The following PRMT8 variants were observed in gnomAD, a reference collection of about 807,000 sequenced individuals.
PRMT8 encodes protein arginine N-methyltransferase 8.
Under a neutral mutation model 47.1 loss-of-function variants are expected in PRMT8, and 7 were observed. The observed-to-expected ratio is 0.15, with a 90% confidence interval of 0.08 to 0.28. PRMT8 has a LOEUF of 0.28. Among genes scored for constraint, PRMT8 ranks in the 10% least tolerant of loss-of-function variants. The pLI, the probability that PRMT8 is intolerant of heterozygous loss-of-function variation, is 1.00. For missense variants in PRMT8, 237 were observed against 505.4 expected (o/e 0.47, Z 5.09); for synonymous variants, 188 against 186.5 (o/e 1.01, Z -0.07).
intron 1 of PRMT8, among the ~76,000 whole-genome samples, chr12:3,454,370 T>C (rs946310088): frequency 1.3e-5 from 2 of 152,202 alleles, no homozygotes; most frequent in East Asian, 3.9e-4. Context: ...GGCAGCCACC[T>C]GGGCTCCCCT....
intron 1 of PRMT8, among the ~76,000 whole-genome samples, chr12:3,461,681 T>TTGGGTTA (rs1410993700): frequency 4.7e-4 from 70 of 150,266 alleles, no homozygotes; most frequent in African/African-American, 1.6e-3. Context: ...TCAAGAGGAG[T>TTGGGTTA]CCAAGCTTCA....
chr12:3,404,178 TGAAA>T (rs1864349977), intron 1 of PRMT8, among the ~76,000 whole-genome samples: 1 of 152,200 alleles, frequency 6.6e-6, no homozygotes, highest in Non-Finnish European at 1.5e-5. Flanking sequence ...ATTATTTTTC[TGAAA>T]TTGGTATGTA....
chr12:3,393,842 A>G (rs71435051), intron 1 of PRMT8, among the ~76,000 whole-genome samples: 27,090 of 125,666 alleles, frequency 0.22, 2,809 homozygotes, highest in Middle Eastern at 0.29. Context: ...CTTCCTACCC[A>G]TGAGCATGGA....
chr12:3,425,392 G>A (rs1272343788), intron 1 of PRMT8, among the ~76,000 whole-genome samples: 7 of 152,256 alleles, frequency 4.6e-5, no homozygotes, highest in Admixed American at 1.3e-4. Flanking sequence ...GTTGTTTAGA[G>A]AGGTAGGCCA....
At chr12:3,411,001 G>A (rs1405258547) in intron 1 of PRMT8, among the ~76,000 whole-genome samples, 1 of 152,218 alleles carries the variant, frequency 6.6e-6, no homozygotes, top group Non-Finnish European at 1.5e-5. Context: ...GCTTCTGGCT[G>A]TTAGCTAGTC....
intron 1 of PRMT8, among the ~76,000 whole-genome samples, chr12:3,394,244 T>C (rs1864224560): frequency 6.6e-6 from 1 of 152,106 alleles, no homozygotes; most frequent in Non-Finnish European, 1.5e-5. Flanking sequence ...CTTCCAACAC[T>C]ATGTTGAATA....
At chr12:3,401,464 C>T (rs1864315924) in intron 1 of PRMT8, among the ~76,000 whole-genome samples, 1 of 151,288 alleles carries the variant, frequency 6.6e-6, no homozygotes, top group African/African-American at 2.4e-5. Flanking sequence ...TAGTATTGGC[C>T]AAGCAGTCAG....
At position 3,435,861 on chromosome 12, in the gene PRMT8, G is replaced by A. The variant is rs1864735958; in HGVS notation, c.48+54419G>A. Among the ~76,000 whole-genome samples, 4 of 152,120 alleles carry A rather than the reference G, an allele frequency of 2.6e-5. No homozygotes were observed. The South Asian group carries it at 8.3e-4, about 32-fold the overall frequency. On this transcript the variant is annotated intron_variant, in intron 1 of 9. Transcript: ENST00000452611. ...AACCCCACCTTCTCTGAACCGCTCA[G>A]GCTTGTGGGTCCTTTCCTAGTCCTA...
At chr12:3,548,922 A>G (rs540149998) in intron 2 of PRMT8, among the ~76,000 whole-genome samples, 6 of 152,344 alleles carry the variant, frequency 3.9e-5, no homozygotes, top group South Asian at 2.1e-4. Flanking sequence ...AAACAAGTGA[A>G]TGGATAAATA....
chr12:3,488,753 A>G (rs1865345303), upstream of PRMT8, among the ~76,000 whole-genome samples: 1 of 152,248 alleles, frequency 6.6e-6, no homozygotes, highest in South Asian at 2.1e-4. Context: ...GAAAGACTGA[A>G]TTCACAGGAA....
chr12:3,590,002 C>T (rs924095350), intron 8 of PRMT8, among the ~76,000 whole-genome samples: 1 of 152,196 alleles, frequency 6.6e-6, no homozygotes, highest in Non-Finnish European at 1.5e-5. Flanking sequence ...CAGGAACTAT[C>T]TTTTGACTAT....
Position 3,494,977 on chromosome 12 carries a change from A to C in PRMT8, c.75+3277A>C, listed in dbSNP as rs1865484054. Among the ~76,000 whole-genome samples, 3 of 152,134 alleles carry C rather than the reference A, an allele frequency of 2.0e-5. No individual in the cohort carries two copies. In the South Asian group the frequency reaches 6.2e-4, roughly 32 times the overall value. On this transcript the variant is annotated intron_variant, in intron 1 of 9. Coordinates refer to ENST00000382622, the MANE Select transcript of PRMT8 (RefSeq NM_019854.5). Reference sequence around the variant, plus strand: ...TACGCTTTCTCCTGATCACTCAGCTATGCTTCTCTTCCTCGGCTAAGGGAA... The same window carrying C: ...TACGCTTTCTCCTGATCACTCAGCTCTGCTTCTCTTCCTCGGCTAAGGGAA...
intron 6 of PRMT8, among the ~76,000 whole-genome samples, chr12:3,571,203 G>T (rs1201480368): frequency 6.6e-6 from 1 of 152,222 alleles, no homozygotes; most frequent in Non-Finnish European, 1.5e-5. Context: ...TGACTGCCAA[G>T]CCCCTGGTGG....
chr12:3,526,395 G>A (rs1409213935), intron 1 of PRMT8, among the ~76,000 whole-genome samples: 2 of 152,224 alleles, frequency 1.3e-5, no homozygotes, highest in South Asian at 4.2e-4. Context: ...GGAATTATGG[G>A]ATCACATGGT....
chr12:3,569,545 C>T lies in PRMT8; in HGVS notation c.693C>T (p.Tyr231=), dbSNP rs767687041. The change falls in exon 6 of 10, where the codon TAC becomes TAT. Residue 231 remains tyrosine, a synonymous_variant. Transcript: ENST00000382622. This position sits in a 1 kb window ranked among gnomAD's most constrained non-coding sequence, Gnocchi z 8.2. The part of the protein sequence containing the change: ...LYVVAIEDRQ[Y]KDFKIHWWEN... Reference sequence around the variant, plus strand: ...TGGTAGCGATTGAAGACAGACAGTACAAGGACTTCAAAATCCACTGTAAGT... The same window carrying T: ...TGGTAGCGATTGAAGACAGACAGTATAAGGACTTCAAAATCCACTGTAAGT... The T allele has an allele frequency of 2.2e-5, 35 of 1,614,014 alleles. No individual in the cohort carries two copies. The highest frequency in any genetic ancestry group is 1.7e-6 in the Non-Finnish European group (2 of 1,179,984).
intron 1 of PRMT8, among the ~76,000 whole-genome samples, chr12:3,416,149 C>G (rs531008214): frequency 6.6e-6 from 1 of 152,312 alleles, no homozygotes; most frequent in East Asian, 1.9e-4. Context: ...GCTCCACGGG[C>G]CTCTCCTCTA....
chr12:3,453,526 G>T lies in PRMT8; in HGVS notation c.48+72084G>T, dbSNP rs1264995734. Among the ~76,000 whole-genome samples, 1 of 152,228 alleles carries T rather than the reference G, an allele frequency of 6.6e-6. No homozygotes were observed. The highest frequency in any genetic ancestry group is 1.5e-5 in the Non-Finnish European group (1 of 68,036). On this transcript the variant is annotated intron_variant, in intron 1 of 9. Coordinates refer to the PRMT8 transcript ENST00000452611. The surrounding 1 kb of genome is among the most constrained non-coding windows in gnomAD (Gnocchi z 4.9). The stretch of plus-strand genomic sequence containing the variant: ...CATGATTTCTGACCTCAGAGGCCCT[G>T]CTTTCTCCTGGGGAAGCCAGACGCT...
At position 3,385,420 on chromosome 12, in the gene PRMT8, CTG is replaced by C. The variant is rs1229551475; in HGVS notation, c.48+3980_48+3981del. Among the ~76,000 whole-genome samples the C allele has an allele frequency of 2.0e-5, 3 of 152,312 alleles. No individual in the cohort carries two copies. The East Asian group carries it at 5.8e-4, about 29-fold the overall frequency. On this transcript the variant is annotated intron_variant, in intron 1 of 9. Coordinates refer to the PRMT8 transcript ENST00000452611. ...CAAAAGCCAGGTGATTCCTCCCAGA[CTG>C]TACCCACAATTTCAGTCCTTCAGTT...
At chr12:3,424,059 A>AT (rs1329547416) in intron 1 of PRMT8, among the ~76,000 whole-genome samples, 1 of 152,206 alleles carries the variant, frequency 6.6e-6, no homozygotes, top group Admixed American at 6.5e-5. Flanking sequence ...ACTGGGCTAC[A>AT]TGCTTGGCTA....
Sources: gnomAD v4.1 joint callset for allele counts (sites outside exome capture counted in the v4.1 genomes callset) on GRCh38, gnomAD v4.1.1 for gene constraint, Gnocchi (gnomAD v3.1) non-coding constraint, MANE v1.5 for transcripts, NCBI Gene and HGNC (gene_info 2026-07-23, HGNC 2026-07-21) for gene names.